Variants in CPED1 observed in about 807,000 individuals in gnomAD.
CPED1 encodes the protein cadherin-like and PC-esterase domain-containing protein 1.
CPED1 carries 114 observed loss-of-function variants against 128.2 expected under a neutral mutation model. That is an observed-to-expected ratio of 0.89 (90% CI 0.76 to 1.04). The LOEUF is 1.04. Among genes scored for constraint, CPED1 ranks in the 50% least tolerant of loss-of-function variants. CPED1 has a pLI of 0.00. For missense variants in CPED1, 1,211 were observed against 1,207.1 expected, an observed-to-expected ratio of 1.00 and a Z score of -0.05; for synonymous variants, 462 against 426.7, an observed-to-expected ratio of 1.08 and a Z score of -1.02.
At chr7:121,074,155 T>C (rs1794061895) in intron 5 of CPED1, among the ~76,000 whole-genome samples, 1 of 152,122 alleles carries the variant, frequency 6.6e-6, no homozygotes, top group Admixed American at 6.6e-5. Context: ...GTAGACCACT[T>C]TGATGCCTTC....
At chr7:121,229,153 C>T (rs1798082815) in intron 16 of CPED1, among the ~76,000 whole-genome samples, 1 of 151,966 alleles carries the variant, frequency 6.6e-6, no homozygotes, top group South Asian at 2.1e-4. Flanking sequence ...GGCCACTAAG[C>T]ATTATATACC....
intron 16 of CPED1, among the ~76,000 whole-genome samples, chr7:121,151,034 G>T (rs1796148016): frequency 6.6e-6 from 1 of 152,168 alleles, no homozygotes; most frequent in Non-Finnish European, 1.5e-5. Context: ...CCAAAGTGCT[G>T]GGATTACAGG....
At chr7:121,051,273 T>C (rs1202057134) in intron 4 of CPED1, 2 of 466,326 alleles carry the variant, frequency 4.3e-6, no homozygotes, top group Non-Finnish European at 8.4e-6. Flanking sequence ...GGAATATTTT[T>C]ACCAATTATT....
At chr7:121,236,363 A>C (rs1798254692) in intron 16 of CPED1, among the ~76,000 whole-genome samples, 1 of 152,148 alleles carries the variant, frequency 6.6e-6, no homozygotes, top group African/African-American at 2.4e-5. Flanking sequence ...CTCTCCAAAT[A>C]GTTCCCATTT....
chr7:121,190,665 A>G (rs1013828311), intron 16 of CPED1, among the ~76,000 whole-genome samples: 3 of 152,142 alleles, frequency 2.0e-5, no homozygotes, highest in African/African-American at 7.2e-5. Context: ...CAGGAAAACT[A>G]GAAAATAAAG....
chr7:121,221,187 C>T, intron 16 of CPED1, among the ~76,000 whole-genome samples: 1 of 152,066 alleles, frequency 6.6e-6, no homozygotes, highest in Middle Eastern at 3.2e-3. Flanking sequence ...TTGTTCAATT[C>T]CCACCTATGA....
intron 22 of CPED1, among the ~76,000 whole-genome samples, chr7:121,284,621 G>T (rs931978724): frequency 1.2e-4 from 18 of 152,166 alleles, no homozygotes; most frequent in African/African-American, 4.3e-4. Flanking sequence ...AAACAAAGGG[G>T]CTAGAGGCCC....
At chr7:121,280,999 G>C (rs1279412463) in intron 22 of CPED1, among the ~76,000 whole-genome samples, 3 of 152,094 alleles carry the variant, frequency 2.0e-5, no homozygotes, top group African/African-American at 7.2e-5. Flanking sequence ...CTCCTCTTCA[G>C]ACCCCATCCA....
At chr7:121,115,118 G>T (rs934830238) in intron 7 of CPED1, among the ~76,000 whole-genome samples, 7 of 152,118 alleles carry the variant, frequency 4.6e-5, no homozygotes, top group South Asian at 2.1e-4. Flanking sequence ...TGGTGGCAAT[G>T]GAAAAAATAA....
At chr7:121,207,650 G>A (rs1421385002) in intron 16 of CPED1, among the ~76,000 whole-genome samples, 4 of 151,982 alleles carry the variant, frequency 2.6e-5, no homozygotes, top group African/African-American at 4.8e-5. Context: ...CAAGGCCAAC[G>A]TGACTTAAAA....
chr7:121,290,621 GT>G (rs1382482698), intron 22 of CPED1, among the ~76,000 whole-genome samples: 2 of 152,178 alleles, frequency 1.3e-5, no homozygotes, highest in African/African-American at 4.8e-5. Context: ...AGAAGTGTCT[GT>G]TCATATCCTT....
chr7:121,126,357 G>A (rs1241355821), intron 9 of CPED1, among the ~76,000 whole-genome samples: 1 of 151,660 alleles, frequency 6.6e-6, no homozygotes, highest in African/African-American at 2.4e-5. Context: ...TGTGTAGAGT[G>A]AAGTGTTTTT....
intron 2 of CPED1, chr7:120,994,137 G>A (rs1481645478): frequency 6.5e-6 from 1 of 154,280 alleles, no homozygotes; most frequent in Non-Finnish European, 1.5e-5. Context: ...TCACTACTGA[G>A]GCAGTAGTTT....
intron 7 of CPED1, among the ~76,000 whole-genome samples, chr7:121,102,730 C>A (rs1037924508): frequency 3.3e-5 from 5 of 152,078 alleles, no homozygotes; most frequent in African/African-American, 9.7e-5. Flanking sequence ...TAGAGGAAGA[C>A]AGGGGAGAGT....
At chr7:121,045,771 T>A (rs998751026) in intron 3 of CPED1, among the ~76,000 whole-genome samples, 1 of 152,170 alleles carries the variant, frequency 6.6e-6, no homozygotes, top group African/African-American at 2.4e-5. Flanking sequence ...TCATCCAAAA[T>A]GAGGACTATT....
chr7:121,271,755 A>T lies in CPED1; in HGVS notation c.2868+325A>T, dbSNP rs543452495. ...CCTTCCCATCAGAAATTGCATCCAA[A>T]AAAAAGGTGGCAAAGGTTTTCAGTA... On this transcript the variant is annotated intron_variant, in intron 22 of 22. Coordinates refer to ENST00000310396, the MANE Select transcript of CPED1 (RefSeq NM_024913.5). 2.0e-4 allele frequency among the ~76,000 whole-genome samples: 31 copies of T among 152,214 alleles called. 1 individual carries two copies. In the South Asian group the frequency reaches 6.4e-3, roughly 32 times the overall value.
chr7:121,232,766 A>T (rs1177758230), intron 16 of CPED1, among the ~76,000 whole-genome samples: 1 of 152,070 alleles, frequency 6.6e-6, no homozygotes, highest in Non-Finnish European at 1.5e-5. Context: ...GGAAGGAGCT[A>T]TGTGCTGGAG....
intron 16 of CPED1, among the ~76,000 whole-genome samples, chr7:121,174,339 G>A (rs552265370): frequency 6.6e-6 from 1 of 152,174 alleles, no homozygotes; most frequent in South Asian, 2.1e-4. Context: ...GTCTTCCAGC[G>A]TTATAATAGT....
At chr7:121,162,382 G>T (rs1185430235) in intron 16 of CPED1, among the ~76,000 whole-genome samples, 1 of 152,210 alleles carries the variant, frequency 6.6e-6, no homozygotes, top group Non-Finnish European at 1.5e-5. Context: ...TAAAAGGGAA[G>T]CCTCTGCAAG....
Sources: allele counts gnomAD v4.1 joint callset (sites outside exome capture counted in the v4.1 genomes callset), GRCh38; gene constraint gnomAD v4.1.1; transcripts MANE v1.5; gene names NCBI Gene and HGNC (gene_info 2026-07-23, HGNC 2026-07-21).